MYO10: variants seen among roughly 807,000 people sequenced by gnomAD.
MYO10 encodes myosin X.
MYO10 carries 133 observed loss-of-function variants against 257.3 expected under a neutral mutation model. The observed-to-expected ratio is 0.52, with a 90% CI of 0.45 to 0.60. The LOEUF is 0.60. Ranked by LOEUF, MYO10 falls within the 20% of genes least tolerant of loss-of-function variation. The pLI is 0.00. For synonymous variants in MYO10, 1,104 were observed against 1,028.6 expected, an observed-to-expected ratio of 1.07 and a Z score of -1.40; for missense variants, 2,399 against 2,635.7, an observed-to-expected ratio of 0.91 and a Z score of 1.97.
At chr5:16,685,699 C>CAAA in intron 29 of MYO10, 39 bp downstream of exon 29, 1 of 1,403,952 alleles carries the variant, frequency 7.1e-7, no homozygotes, top group Non-Finnish European at 9.8e-7. Context: ...GTCCCTGCCC[C>CAAA]TAGACGCCCC....
chr5:16,732,088 G>A (rs1011130832), intron 19 of MYO10, among the ~76,000 whole-genome samples: 1 of 151,976 alleles, frequency 6.6e-6, no homozygotes, highest in Non-Finnish European at 1.5e-5. Flanking sequence ...AAGCTGAAGG[G>A]GAACATTTCA....
intron 7 of MYO10, 44 bp downstream of exon 7, chr5:16,780,684 T>G (rs1164963096): frequency 6.4e-7 from 1 of 1,550,574 alleles, no homozygotes; most frequent in South Asian, 1.2e-5. Context: ...TTTCTGAAAA[T>G]TGTTATTATG....
At position 16,780,556 on chromosome 5, in the gene MYO10, G is replaced by A. The variant is rs1372170720; in HGVS notation, c.794C>T (p.Ala265Val). Residue 265 changes from alanine to valine, a missense_variant, in exon 8 of 41, where the codon GCA becomes GTA. This residue lies in a region of MYO10 where 337 missense variants were observed against 446.8 expected (regional missense o/e 0.75). Coordinates refer to ENST00000513610, the MANE Select transcript of MYO10 (RefSeq NM_012334.3). ...TTCATGTTCCAGCCCTGCCAGCAGTGCATAAAATATGTGATAATTCCTTTC... is the reference window on the plus strand; with the variant it reads ...TTCATGTTCCAGCCCTGCCAGCAGTACATAAAATATGTGATAATTCCTTTC... ...PGERNYHIFY[A>V]LLAGLEHEER... 6.3e-7 allele frequency: 1 copy of A among 1,584,604 alleles called. No homozygotes were observed. The highest frequency in any genetic ancestry group is 1.2e-5 in the South Asian group (1 of 86,590).
chr5:16,786,508 A>T (rs142081714), intron 4 of MYO10, among the ~76,000 whole-genome samples: 4 of 152,118 alleles, frequency 2.6e-5, no homozygotes, highest in Admixed American at 2.0e-4. Flanking sequence ...AGTAACCCTA[A>T]ATCTGAAAAT....
intron 1 of MYO10, among the ~76,000 whole-genome samples, chr5:16,925,076 C>T (rs1746095815): frequency 6.6e-6 from 1 of 152,086 alleles, no homozygotes; most frequent in African/African-American, 2.4e-5. Context: ...CGTGATCCGC[C>T]TGCCTCGGCC....
intron 9 of MYO10, among the ~76,000 whole-genome samples, chr5:16,775,663 C>T (rs1426125103): frequency 6.6e-6 from 1 of 151,978 alleles, no homozygotes; most frequent in Non-Finnish European, 1.5e-5. Context: ...AGTGCAGTGG[C>T]GCGATCTCAG....
At chr5:16,903,733 C>G (rs557968668) in intron 1 of MYO10, among the ~76,000 whole-genome samples, 4 of 152,204 alleles carry the variant, frequency 2.6e-5, no homozygotes, top group Admixed American at 6.5e-5. Context: ...TGCTCTCAAA[C>G]AGTTTAATCA....
intron 2 of MYO10, among the ~76,000 whole-genome samples, chr5:16,840,444 T>TGAATGAATGAATGAAA (rs111737680): frequency 1.0e-3 from 106 of 100,962 alleles, no homozygotes; most frequent in Non-Finnish European, 7.4e-4. Context: ...AATGAATGAA[T>TGAATGAATGAATGAAA]GAAAGAAAGA....
intron 1 of MYO10, among the ~76,000 whole-genome samples, chr5:16,912,505 A>C (rs1255342707): frequency 6.6e-6 from 1 of 152,094 alleles, no homozygotes; most frequent in Non-Finnish European, 1.5e-5. Context: ...GGTTTTGAAA[A>C]ATGCATTATT....
chr5:16,912,216 C>T lies in MYO10; in HGVS notation c.21+23572G>A, dbSNP rs116402451. On this transcript the variant is annotated intron_variant, in intron 1 of 40. Transcript: ENST00000513610. ...CTTTAAGCCACAGCCAAGTTTTGTT[C>T]GGCCCACTAGGTAAAAACCAAAACA... Among the ~76,000 whole-genome samples, 1,035 of 152,250 alleles carry T rather than the reference C, an allele frequency of 6.8e-3. 13 individuals are homozygous for T. The highest frequency in any genetic ancestry group is 0.023 in the African/African-American group (962 of 41,540).
At chr5:16,697,659 T>C (rs1046538088) in intron 26 of MYO10, among the ~76,000 whole-genome samples, 2 of 151,142 alleles carry the variant, frequency 1.3e-5, no homozygotes, top group African/African-American at 4.9e-5. Flanking sequence ...GACTGTGCCA[T>C]TGCACTCCAG....
intron 23 of MYO10, 129 bp downstream of exon 23, chr5:16,702,796 A>C: frequency 1.0e-6 from 1 of 965,076 alleles, no homozygotes. Flanking sequence ...TATTCTAGCC[A>C]CCTAGAGTTA....
chr5:16,709,183 C>T (rs768847362), intron 21 of MYO10, among the ~76,000 whole-genome samples: 20 of 152,186 alleles, frequency 1.3e-4, no homozygotes, highest in Non-Finnish European at 2.2e-4. Context: ...ATAGGGTGCA[C>T]TGAGGAATGT....
intron 1 of MYO10, among the ~76,000 whole-genome samples, chr5:16,891,947 C>T (rs749562333): frequency 2.0e-5 from 3 of 152,200 alleles, no homozygotes; most frequent in Non-Finnish European, 2.9e-5. Context: ...TATATACTTT[C>T]TCTAGAACAC....
chr5:16,832,918 C>A (rs543755953), intron 2 of MYO10, among the ~76,000 whole-genome samples: 1 of 152,312 alleles, frequency 6.6e-6, no homozygotes, highest in South Asian at 2.1e-4. Flanking sequence ...TAAAATCCCT[C>A]CATTGCCAAC....
chr5:16,928,562 T>C (rs1223730235), intron 1 of MYO10, among the ~76,000 whole-genome samples: 3 of 151,702 alleles, frequency 2.0e-5, no homozygotes, highest in African/African-American at 4.8e-5. Context: ...CCACACTTTA[T>C]GGGCCGGGCA....
chr5:16,666,684 TCCC>T lies in MYO10; in HGVS notation c.*5_*7del, dbSNP rs2126446016. 2.5e-6 allele frequency: 4 copies of T among 1,589,814 alleles called. No homozygotes were observed. The East Asian group carries it at 9.0e-5, about 36-fold the overall frequency. Reference sequence around the variant, plus strand: ...AGGTAGCAAAGACAGGTGGGCTCTGTCCCGCCTTCACCTGGAGCTGCCCTGGCT... The same window carrying T: ...AGGTAGCAAAGACAGGTGGGCTCTGTGCCTTCACCTGGAGCTGCCCTGGCT... On this transcript the variant is annotated 3_prime_UTR_variant, in exon 41 of 41. Transcript: ENST00000513610.
intron 15 of MYO10, 122 bp downstream of exon 15, chr5:16,762,423 T>C: frequency 1.2e-6 from 1 of 821,318 alleles, no homozygotes; most frequent in Non-Finnish European, 1.9e-6. Context: ...CAGCTTTGGT[T>C]TGAGAATAAA....
chr5:16,891,380 G>A (rs762701248), intron 1 of MYO10, among the ~76,000 whole-genome samples: 1 of 113,170 alleles, frequency 8.8e-6, no homozygotes. Flanking sequence ...AGGAAGGAAG[G>A]AGAGAGAGAG....
Sources: gnomAD v4.1 joint callset for allele counts (sites outside exome capture counted in the v4.1 genomes callset) on GRCh38, gnomAD v4.1.1 for gene constraint, gnomAD v4.1.1 regional missense constraint, MANE v1.5 for transcripts, NCBI Gene and HGNC (gene_info 2026-07-23, HGNC 2026-07-21) for gene names.